Variants in HS6ST3 observed in about 807,000 individuals in gnomAD.
HS6ST3 encodes heparan sulfate 6-O-sulfotransferase 3.
In HS6ST3, 12 loss-of-function variants were observed where a neutral mutation model predicts 36.7. The ratio of observed to expected loss-of-function variants is 0.33; its 90% confidence interval spans 0.21 to 0.53. HS6ST3 has a LOEUF of 0.53. Among genes scored for constraint, HS6ST3 ranks in the 20% least tolerant of loss-of-function variants. HS6ST3 has a pLI of 0.95. For missense variants in HS6ST3, 584 were observed against 640.9 expected (o/e 0.91, Z 0.96); for synonymous variants, 240 against 257.5 (o/e 0.93, Z 0.65).
At chr13:96,501,915 A>G (rs557776862) in intron 1 of HS6ST3, among the ~76,000 whole-genome samples, 1 of 152,330 alleles carries the variant, frequency 6.6e-6, no homozygotes, top group Admixed American at 6.5e-5. Context: ...AATGAAGAAA[A>G]TTTCAAAAAC....
At chr13:96,704,442 C>T (rs1463804753) in intron 1 of HS6ST3, among the ~76,000 whole-genome samples, 1 of 152,100 alleles carries the variant, frequency 6.6e-6, no homozygotes, top group Non-Finnish European at 1.5e-5. Context: ...GATGTGGATG[C>T]CTCAAGTAGG....
intron 1 of HS6ST3, among the ~76,000 whole-genome samples, chr13:96,487,850 A>T (rs2055923494): frequency 6.6e-6 from 1 of 152,158 alleles, no homozygotes; most frequent in African/African-American, 2.4e-5. Flanking sequence ...TTGATAATGT[A>T]ATGCATACTT....
At chr13:96,293,881 G>A (rs902910908) in intron 1 of HS6ST3, among the ~76,000 whole-genome samples, 9 of 152,080 alleles carry the variant, frequency 5.9e-5, no homozygotes, top group African/African-American at 2.2e-4. Context: ...TGAGGATTAG[G>A]GTGATAGAGG....
intron 1 of HS6ST3, among the ~76,000 whole-genome samples, chr13:96,334,337 A>G (rs766264624): frequency 6.6e-6 from 1 of 152,092 alleles, no homozygotes; most frequent in African/African-American, 2.4e-5. Context: ...CTCAAACTCT[A>G]TCTTGTTCCC....
chr13:96,537,287 G>C (rs2056159618), intron 1 of HS6ST3, among the ~76,000 whole-genome samples: 1 of 152,102 alleles, frequency 6.6e-6, no homozygotes, highest in African/African-American at 2.4e-5. Flanking sequence ...ACAGTATGGG[G>C]GAAACCACCC....
At chr13:96,265,309 G>A (rs1318053069) in intron 1 of HS6ST3, among the ~76,000 whole-genome samples, 1 of 151,876 alleles carries the variant, frequency 6.6e-6, no homozygotes, top group East Asian at 1.9e-4. Context: ...CAAGTAGCTG[G>A]GACTACAGGC....
chr13:96,736,025 C>T (rs1442278819), intron 1 of HS6ST3, among the ~76,000 whole-genome samples: 2 of 152,010 alleles, frequency 1.3e-5, no homozygotes, highest in Non-Finnish European at 2.9e-5. Context: ...GATGAGAACA[C>T]ATCAACACAC....
chr13:96,832,474 C>T lies in HS6ST3; in HGVS notation c.708-16C>T, dbSNP rs1375611509. The stretch of plus-strand genomic sequence containing the variant: ...GAGTTGTCAACTACTGATGCTCTTC[C>T]TCTAATTTCTTCTAGGAATTTCTAT... On this transcript the variant is annotated splice_polypyrimidine_tract_variant and intron_variant, in intron 1 of 1. Coordinates refer to ENST00000376705, the MANE Select transcript of HS6ST3 (RefSeq NM_153456.4). 6.6e-6 allele frequency: 10 copies of T among 1,524,134 alleles called. No individual in the cohort carries two copies. Among genetic ancestry groups the T allele is most frequent in the Non-Finnish European group, 8.8e-6 (10 of 1,134,036 alleles). The allele number at this position is 1,524,134 out of a possible 1,614,324, so 94.4% of individuals were successfully genotyped here.
chr13:96,163,300 G>A (rs1424489912), intron 1 of HS6ST3, among the ~76,000 whole-genome samples: 1 of 143,618 alleles, frequency 7.0e-6, no homozygotes, highest in African/African-American at 2.6e-5. Flanking sequence ...TGCCATCTCG[G>A]CTCACTGCAA....
intron 1 of HS6ST3, among the ~76,000 whole-genome samples, chr13:96,167,053 C>G (rs2054164457): frequency 6.6e-6 from 1 of 152,100 alleles, no homozygotes; most frequent in South Asian, 2.1e-4. Flanking sequence ...TCAATTAAAC[C>G]TCTTTCCTTT....
chr13:96,149,053 C>T (rs1174724946), intron 1 of HS6ST3, among the ~76,000 whole-genome samples: 2 of 152,080 alleles, frequency 1.3e-5, no homozygotes, highest in African/African-American at 2.4e-5. Context: ...TAAAATATAG[C>T]GTCTCATTTA....
At chr13:96,605,819 A>G (rs957767264) in intron 1 of HS6ST3, among the ~76,000 whole-genome samples, 1 of 152,032 alleles carries the variant, frequency 6.6e-6, no homozygotes, top group African/African-American at 2.4e-5. Flanking sequence ...AGTCAGAGAA[A>G]ATATTCACAA....
At chr13:96,378,123 A>T (rs1368695858) in intron 1 of HS6ST3, among the ~76,000 whole-genome samples, 3 of 152,152 alleles carry the variant, frequency 2.0e-5, no homozygotes, top group Non-Finnish European at 4.4e-5. Context: ...TGTTTTTGAA[A>T]GTGATTGAAG....
chr13:96,674,887 A>T (rs1478040409), intron 1 of HS6ST3, among the ~76,000 whole-genome samples: 1 of 152,154 alleles, frequency 6.6e-6, no homozygotes, highest in Non-Finnish European at 1.5e-5. Context: ...CAAGAGAAAG[A>T]TTTTTGTGAG....
At chr13:96,306,165 G>A (rs963731816) in intron 1 of HS6ST3, among the ~76,000 whole-genome samples, 14 of 145,606 alleles carry the variant, frequency 9.6e-5, no homozygotes, top group Admixed American at 5.6e-4. Context: ...GTACAGTGGC[G>A]TGATCTCAAC....
chr13:96,247,950 T>C (rs1339840568), intron 1 of HS6ST3, among the ~76,000 whole-genome samples: 1 of 152,194 alleles, frequency 6.6e-6, no homozygotes, highest in Non-Finnish European at 1.5e-5. Context: ...CACTTGGGTG[T>C]CAACTCTATA....
At chr13:96,803,906 A>G (rs1878140010) in intron 1 of HS6ST3, among the ~76,000 whole-genome samples, 1 of 152,076 alleles carries the variant, frequency 6.6e-6, no homozygotes, top group Non-Finnish European at 1.5e-5. Context: ...CATTTCTAAC[A>G]CAATTTGTGC....
chr13:96,759,836 C>A lies in HS6ST3; in HGVS notation c.708-72654C>A, dbSNP rs372629023. On this transcript the variant is annotated intron_variant, in intron 1 of 1. Coordinates refer to ENST00000376705, the MANE Select transcript of HS6ST3 (RefSeq NM_153456.4). ...CTAAGAGCTACTGAGTGTTACCAACCATGGATGTGAAGGGTCTATCCTAAT... is the reference window on the plus strand; with the variant it reads ...CTAAGAGCTACTGAGTGTTACCAACAATGGATGTGAAGGGTCTATCCTAAT... Among the ~76,000 whole-genome samples, 3 of 151,924 alleles carry A rather than the reference C, an allele frequency of 2.0e-5. 1 individual carries two copies. In the East Asian group the frequency reaches 5.8e-4, roughly 29 times the overall value.
In HS6ST3 at chr13:96,784,942, C is replaced by T. The variant is rs956797776; in HGVS notation, c.708-47548C>T. Among the ~76,000 whole-genome samples, 99 of 152,250 alleles carry T rather than the reference C, an allele frequency of 6.5e-4. 2 individuals carry two copies. Among genetic ancestry groups the T allele is most frequent in the African/African-American group, 2.3e-3 (96 of 41,556 alleles). The stretch of plus-strand genomic sequence containing the variant: ...CAGCACTTTGGAAGGCCAAGGCAGG[C>T]AGATCGCTTGAGGTCAGGAGTTCAA... On this transcript the variant is annotated intron_variant, in intron 1 of 1. Coordinates refer to ENST00000376705, the MANE Select transcript of HS6ST3 (RefSeq NM_153456.4).
Sources: allele counts gnomAD v4.1 joint callset (sites outside exome capture counted in the v4.1 genomes callset), GRCh38; gene constraint gnomAD v4.1.1; transcripts MANE v1.5; gene names NCBI Gene and HGNC (gene_info 2026-07-23, HGNC 2026-07-21).